The following KLF12 variants were observed in gnomAD, a reference collection of about 807,000 sequenced individuals.
The protein encoded by KLF12 is KLF transcription factor 12.
A neutral mutation model predicts 37.8 loss-of-function variants in KLF12; 9 were observed. That is an observed-to-expected ratio of 0.24 (90% CI 0.14 to 0.42). The LOEUF is 0.42. Ranked by LOEUF, KLF12 falls within the 10% of genes least tolerant of loss-of-function variation. The probability of loss-of-function intolerance (pLI) is 1.00; values close to 1 mark genes in which losing one functional copy is unlikely to be tolerated. For missense variants in KLF12, 411 were observed against 516.0 expected, an observed-to-expected ratio of 0.80 and a Z score of 1.97; for synonymous variants, 208 against 202.1, an observed-to-expected ratio of 1.03 and a Z score of -0.25.
At chr13:74,207,411 C>T in the KLF12 span, among the ~76,000 whole-genome samples, 2 of 152,172 alleles carry the variant, frequency 1.3e-5, no homozygotes, top group Admixed American at 1.3e-4. Flanking sequence ...CGAGGTGGCT[C>T]ATGCCTGTAA....
At chr13:73,853,465 AG>A (rs1044356554) in intron 3 of KLF12, among the ~76,000 whole-genome samples, 4 of 152,290 alleles carry the variant, frequency 2.6e-5, no homozygotes, top group African/African-American at 9.6e-5. Context: ...TAAGCAGGAC[AG>A]GCGTGGTGGT....
At chr13:73,896,400 C>T (rs1421182430) in intron 3 of KLF12, among the ~76,000 whole-genome samples, 2 of 152,060 alleles carry the variant, frequency 1.3e-5, no homozygotes. Flanking sequence ...ATGTAGGGGA[C>T]TTTCTGAATG....
intron 1 of KLF12, among the ~76,000 whole-genome samples, chr13:74,028,404 G>C (rs866737948): frequency 1.3e-5 from 2 of 152,124 alleles, no homozygotes; most frequent in Admixed American, 1.3e-4. Flanking sequence ...AATGACCTGC[G>C]TATGCAGAAT....
At chr13:74,260,253 C>T in the KLF12 span, among the ~76,000 whole-genome samples, 2 of 152,062 alleles carry the variant, frequency 1.3e-5, no homozygotes, top group Admixed American at 6.6e-5. Flanking sequence ...CACATAGCAA[C>T]AATTCAAATA....
chr13:73,834,168 G>C (rs777313421), intron 4 of KLF12, among the ~76,000 whole-genome samples: 2 of 152,074 alleles, frequency 1.3e-5, no homozygotes, highest in African/African-American at 2.4e-5. Flanking sequence ...CTTTATTTTA[G>C]AAATGAGCAT....
chr13:74,284,753 T>C, the KLF12 span, among the ~76,000 whole-genome samples: 1 of 152,188 alleles, frequency 6.6e-6, no homozygotes, highest in African/African-American at 2.4e-5. Flanking sequence ...AGGGAGGACA[T>C]GCGAGAGGGA....
At chr13:74,268,565 T>A in the KLF12 span, among the ~76,000 whole-genome samples, 13 of 152,326 alleles carry the variant, frequency 8.5e-5, no homozygotes, top group South Asian at 2.7e-3. Flanking sequence ...ATTCAGAGGC[T>A]CATTGGAGGA....
chr13:74,299,423 T>A, the KLF12 span, among the ~76,000 whole-genome samples: 2 of 152,186 alleles, frequency 1.3e-5, no homozygotes, highest in African/African-American at 4.8e-5. Context: ...CTTCATAAAT[T>A]GGAGTGGATA....
chr13:74,293,540 A>G, the KLF12 span, among the ~76,000 whole-genome samples: 2 of 152,218 alleles, frequency 1.3e-5, no homozygotes, highest in East Asian at 3.8e-4. Flanking sequence ...GTGTCACAGA[A>G]TATTTTAAGA....
intron 3 of KLF12, among the ~76,000 whole-genome samples, chr13:73,859,670 T>G (rs4883955): frequency 0.67 from 101,581 of 152,026 alleles, 34,634 homozygotes; most frequent in Non-Finnish European, 0.73. Flanking sequence ...TAGTTCCCGT[T>G]TGTTCTCAAG....
intron 2 of KLF12, among the ~76,000 whole-genome samples, chr13:73,957,086 GAAAGGAAAGGAAAGGAAAGA>G (rs1173941666): frequency 2.1e-4 from 19 of 89,414 alleles, no homozygotes; most frequent in Non-Finnish European, 3.4e-4. Flanking sequence ...GAAAGGAAAG[GAAAGGAAAGGAAAGGAAAGA>G]AAGGAAAAGA....
At chr13:74,220,392 TTTTA>T in the KLF12 span, among the ~76,000 whole-genome samples, 6 of 152,226 alleles carry the variant, frequency 3.9e-5, no homozygotes, top group African/African-American at 7.2e-5. Context: ...AAAGCAGTGA[TTTTA>T]TTTATTGTTT....
the KLF12 span, among the ~76,000 whole-genome samples, chr13:74,225,707 G>A: frequency 6.6e-6 from 1 of 152,108 alleles, no homozygotes; most frequent in South Asian, 2.1e-4. Context: ...ACAATAAAAT[G>A]GGAGTAAATG....
intron 3 of KLF12, among the ~76,000 whole-genome samples, chr13:73,926,483 T>C (rs1325160368): frequency 6.6e-6 from 1 of 152,146 alleles, no homozygotes; most frequent in African/African-American, 2.4e-5. Flanking sequence ...ATAAGTTTAA[T>C]ATGTACTAGG....
At chr13:73,997,953 T>C (rs1048821769) in intron 1 of KLF12, among the ~76,000 whole-genome samples, 1 of 152,210 alleles carries the variant, frequency 6.6e-6, no homozygotes, top group Non-Finnish European at 1.5e-5. Flanking sequence ...CTCATGGTTT[T>C]AGAGGAGAGA....
the KLF12 span, among the ~76,000 whole-genome samples, chr13:74,275,878 C>CTTTCTTTCTTCT: frequency 2.8e-4 from 15 of 52,972 alleles, no homozygotes; most frequent in Admixed American, 1.7e-3. Context: ...ATCTTTCTTT[C>CTTTCTTTCTTCT]TTCTTTCTTT....
At chr13:74,296,509 T>C in the KLF12 span, among the ~76,000 whole-genome samples, 3 of 152,318 alleles carry the variant, frequency 2.0e-5, no homozygotes, top group African/African-American at 7.2e-5. Context: ...TGGTTGGAGA[T>C]AGTTATTAGG....
chr13:73,716,963 C>T (rs182801420), intron 6 of KLF12, among the ~76,000 whole-genome samples: 3 of 152,110 alleles, frequency 2.0e-5, no homozygotes, highest in East Asian at 3.9e-4. Context: ...CATAAAGTAA[C>T]GGTGCATTTT....
intron 5 of KLF12, among the ~76,000 whole-genome samples, chr13:73,767,183 G>A (rs1206754957): frequency 6.6e-6 from 1 of 152,142 alleles, no homozygotes; most frequent in African/African-American, 2.4e-5. Context: ...GATATGGCAT[G>A]TTTTTTTGAG....
Sources: allele counts gnomAD v4.1 joint callset (sites outside exome capture counted in the v4.1 genomes callset), GRCh38; gene constraint gnomAD v4.1.1; transcripts MANE v1.5; gene names NCBI Gene and HGNC (gene_info 2026-07-23, HGNC 2026-07-21).